CTIF: variants seen among roughly 807,000 people sequenced by gnomAD.
CTIF encodes CBP80/20-dependent translation initiation factor.
In CTIF, 21 loss-of-function variants were observed where a neutral mutation model predicts 66.0. The ratio of observed to expected loss-of-function variants is 0.32; its 90% CI spans 0.23 to 0.46. CTIF has a LOEUF of 0.46. Ranked by LOEUF, CTIF falls within the 20% of genes least tolerant of loss-of-function variation. The probability of loss-of-function intolerance (pLI) is 1.00; values close to 1 mark genes in which losing one functional copy is unlikely to be tolerated. For missense variants in CTIF, 739 were observed against 812.7 expected, an observed-to-expected ratio of 0.91 and a Z score of 1.10; for synonymous variants, 345 against 326.4, an observed-to-expected ratio of 1.06 and a Z score of -0.62.
chr18:48,834,248 AAGC>A (rs1306678876), intron 10 of CTIF, among the ~76,000 whole-genome samples: 13 of 152,240 alleles, frequency 8.5e-5, no homozygotes, highest in African/African-American at 2.9e-4. Flanking sequence ...ATAGCGGAAA[AAGC>A]AGCCGTAGAC....
chr18:48,808,516 CTTTT>C (rs34004475), intron 9 of CTIF, among the ~76,000 whole-genome samples: 1 of 135,532 alleles, frequency 7.4e-6, no homozygotes, highest in Non-Finnish European at 1.6e-5. Flanking sequence ...ATTTTTGGTC[CTTTT>C]TTTTTTTTTT....
intron 6 of CTIF, among the ~76,000 whole-genome samples, chr18:48,711,321 A>G (rs865879699): frequency 1.5e-4 from 23 of 152,368 alleles, no homozygotes; most frequent in African/African-American, 5.3e-4. Context: ...CAGCTTGTTC[A>G]TCTTTCCAGA....
At chr18:48,563,015 C>T (rs1056980843) in intron 1 of CTIF, among the ~76,000 whole-genome samples, 1 of 152,236 alleles carries the variant, frequency 6.6e-6, no homozygotes, top group Non-Finnish European at 1.5e-5. Context: ...ACCTTCCCTG[C>T]TTCCTCCTGC....
At chr18:48,578,732 A>G (rs1357821147) in intron 1 of CTIF, among the ~76,000 whole-genome samples, 2 of 152,220 alleles carry the variant, frequency 1.3e-5, no homozygotes, top group African/African-American at 4.8e-5. Context: ...AGTTCTTCGT[A>G]TACTCTAAAT....
intron 7 of CTIF, among the ~76,000 whole-genome samples, chr18:48,742,170 G>A (rs1243369457): frequency 3.3e-5 from 5 of 152,232 alleles, no homozygotes; most frequent in African/African-American, 9.6e-5. Context: ...CATGGGCCAG[G>A]GTGACCAGGA....
At chr18:48,670,500 A>C in intron 5 of CTIF, 169 bp from the exon 6 acceptor site, 2 of 577,280 alleles carry the variant, frequency 3.5e-6, no homozygotes, top group Non-Finnish European at 6.2e-6. Context: ...CCCCCCACAC[A>C]CACACAGCTT....
At position 48,860,529 on chromosome 18, in the gene CTIF, G is replaced by C. The variant is rs2069442183; in HGVS notation, c.*970G>C. The C allele has an allele frequency of 6.5e-6, 1 of 154,334 alleles. No individual in the cohort carries two copies. The highest frequency in any genetic ancestry group is 1.4e-5 in the Non-Finnish European group (1 of 69,406). The allele number at this position is 154,334 out of a possible 1,614,324, so 9.6% of individuals were successfully genotyped here. A position where few individuals can be genotyped will look rare whatever the true frequency, so the allele number is the denominator to read the frequency against. On this transcript the variant is annotated 3_prime_UTR_variant, in exon 12 of 12. Coordinates refer to ENST00000256413, the MANE Select transcript of CTIF (RefSeq NM_014772.3). ...TCTGTTTTCTCAAAGGGCTGATACT[G>C]TCACCACTGGGACCAAGTTAAACCT...
intron 9 of CTIF, among the ~76,000 whole-genome samples, chr18:48,809,397 A>T (rs1156854702): frequency 6.6e-6 from 1 of 152,160 alleles, no homozygotes; most frequent in South Asian, 2.1e-4. Context: ...CATTACATTT[A>T]TAGATTTCCT....
At chr18:48,635,184 TCAGGAGGGCATGTCCAGC>T (rs1189158821) in intron 2 of CTIF, among the ~76,000 whole-genome samples, 1 of 152,192 alleles carries the variant, frequency 6.6e-6, no homozygotes, top group African/African-American at 2.4e-5. Context: ...TGAGCCATGC[TCAGGAGGGCATGTCCAGC>T]CAAGGTTTTA....
chr18:48,841,078 A>G (rs1007050257), intron 10 of CTIF, among the ~76,000 whole-genome samples: 1 of 152,142 alleles, frequency 6.6e-6, no homozygotes, highest in African/African-American at 2.4e-5. Context: ...CTTGCTCGTT[A>G]TTTATGCCCT....
intron 3 of CTIF, among the ~76,000 whole-genome samples, chr18:48,639,576 A>G (rs1598785172): frequency 1.3e-5 from 2 of 152,276 alleles, no homozygotes; most frequent in Non-Finnish European, 2.9e-5. Flanking sequence ...AATTTACACG[A>G]GGTCTCCTGT....
intron 9 of CTIF, among the ~76,000 whole-genome samples, chr18:48,814,472 T>G (rs1319945): frequency 0.11 from 16,802 of 152,210 alleles, 1,111 homozygotes; most frequent in East Asian, 0.32. Flanking sequence ...AGGGGCTTAA[T>G]TTTTCATTCA....
intron 6 of CTIF, among the ~76,000 whole-genome samples, chr18:48,679,784 G>A (rs1166558058): frequency 6.6e-6 from 1 of 152,154 alleles, no homozygotes; most frequent in Non-Finnish European, 1.5e-5. Flanking sequence ...CCAATTTTGA[G>A]GTTTTCCCCT....
At chr18:48,773,830 TA>T (rs960438385) in intron 9 of CTIF, among the ~76,000 whole-genome samples, 2 of 151,894 alleles carry the variant, frequency 1.3e-5, no homozygotes, top group Admixed American at 1.3e-4. Flanking sequence ...TTCTGATGCC[TA>T]TAATGAACCA....
At chr18:48,718,168 C>G (rs1295432933) in intron 7 of CTIF, among the ~76,000 whole-genome samples, 1 of 152,204 alleles carries the variant, frequency 6.6e-6, no homozygotes, top group Non-Finnish European at 1.5e-5. Flanking sequence ...TATTAGTGGT[C>G]ACCTTTTTTC....
At position 48,819,193 on chromosome 18, in the gene CTIF, C is replaced by T. The variant is rs370733510; in HGVS notation, c.1527+1817C>T. ...ATCAGATTTGTTTCGCAGATTCAGACAATGGCCTCTCCTGACTTTGTTTCA... is the reference window on the plus strand; with the variant it reads ...ATCAGATTTGTTTCGCAGATTCAGATAATGGCCTCTCCTGACTTTGTTTCA... On this transcript the variant is annotated intron_variant, in intron 10 of 11. Coordinates refer to ENST00000256413, the MANE Select transcript of CTIF (RefSeq NM_014772.3). 1.5e-4 allele frequency among the ~76,000 whole-genome samples: 23 copies of T among 152,338 alleles called. 1 individual carries two copies. The East Asian group carries it at 3.7e-3, about 24-fold the overall frequency.
chr18:48,744,035 T>C (rs948949974), intron 7 of CTIF, among the ~76,000 whole-genome samples: 1 of 152,210 alleles, frequency 6.6e-6, no homozygotes, highest in African/African-American at 2.4e-5. Flanking sequence ...CCACAAGTGC[T>C]TTCCAGAAGG....
chr18:48,779,167 G>C (rs533372143), intron 9 of CTIF, among the ~76,000 whole-genome samples: 1 of 152,230 alleles, frequency 6.6e-6, no homozygotes, highest in East Asian at 1.9e-4. Flanking sequence ...TCATGTCTGG[G>C]GGTTCCTGTC....
chr18:48,769,503 G>A (rs1909899433), intron 9 of CTIF, among the ~76,000 whole-genome samples: 1 of 152,246 alleles, frequency 6.6e-6, no homozygotes, highest in Non-Finnish European at 1.5e-5. Context: ...CCCTGCAAGG[G>A]ACATGCAGAG....
Sources: allele counts gnomAD v4.1 joint callset (sites outside exome capture counted in the v4.1 genomes callset), GRCh38; gene constraint gnomAD v4.1.1; transcripts MANE v1.5; gene names NCBI Gene and HGNC (gene_info 2026-07-23, HGNC 2026-07-21).